Variants in CYFIP2 observed in about 807,000 individuals in gnomAD.
CYFIP2 encodes cytoplasmic FMR1-interacting protein 2.
A neutral mutation model predicts 158.7 loss-of-function variants in CYFIP2; 29 were observed. The ratio of observed to expected loss-of-function variants is 0.18; its 90% CI spans 0.14 to 0.25. The LOEUF (loss-of-function observed/expected upper bound fraction) is 0.25, where lower values mean the gene tolerates loss of function less well. CYFIP2 is among the 10% of genes least tolerant of loss of function. CYFIP2 has a pLI of 1.00. For missense variants in CYFIP2, 852 were observed against 1,639.5 expected, an observed-to-expected ratio of 0.52 and a Z score of 8.29; for synonymous variants, 585 against 617.6, an observed-to-expected ratio of 0.95 and a Z score of 0.78.
At chr5:157,383,438 A>G in intron 28 of CYFIP2, 79 bp downstream of exon 28, 2 of 1,319,516 alleles carry the variant, frequency 1.5e-6, no homozygotes, top group East Asian at 4.9e-5. Context: ...CTCATTGTAC[A>G]GGTCAGGAAA....
At chr5:157,305,216 T>C (rs779809995) in intron 8 of CYFIP2, among the ~76,000 whole-genome samples, 1 of 152,220 alleles carries the variant, frequency 6.6e-6, no homozygotes, top group Non-Finnish European at 1.5e-5. Flanking sequence ...TATAAACATG[T>C]GTGCAAGTGT....
At chr5:157,369,832 C>T (rs1764799542) in intron 26 of CYFIP2, among the ~76,000 whole-genome samples, 2 of 151,342 alleles carry the variant, frequency 1.3e-5, no homozygotes, top group African/African-American at 4.9e-5. Flanking sequence ...AAATTCTGAT[C>T]TCTGAGGCCT....
intron 1 of CYFIP2, chr5:157,269,203 A>G (rs1755872983): frequency 6.6e-6 from 1 of 152,010 alleles, no homozygotes; most frequent in Non-Finnish European, 1.5e-5. Context: ...GTTAAGAGTG[A>G]TAGGGCATGA....
intron 15 of CYFIP2, chr5:157,322,981 G>A: frequency 6.5e-7 from 1 of 1,535,940 alleles, no homozygotes; most frequent in Non-Finnish European, 8.7e-7. Flanking sequence ...TCACCCCACT[G>A]GTGGCACACA....
At chr5:157,268,699 T>C (rs1755827811) in intron 1 of CYFIP2, among the ~76,000 whole-genome samples, 1 of 152,230 alleles carries the variant, frequency 6.6e-6, no homozygotes, top group Admixed American at 6.5e-5. Context: ...ACAATGAGTC[T>C]ATTTCTTTAC....
In CYFIP2 at chr5:157,306,289, C is replaced by G. The variant is rs761491582; in HGVS notation, c.796-1472C>G. Among the ~76,000 whole-genome samples the G allele has an allele frequency of 7.9e-5, 12 of 152,290 alleles. No homozygotes were observed. In the East Asian group the frequency reaches 1.3e-3, roughly 17 times the overall value. ...TGGCTTCGTCCCAACATCAGAAATC[C>G]GGAGAAGCCACTCACAGTTCACATA... On this transcript the variant is annotated intron_variant, in intron 8 of 30. Coordinates refer to ENST00000620254, the MANE Select transcript of CYFIP2 (RefSeq NM_001037333.3).
Position 157,382,387 on chromosome 5 carries a change from A to G in CYFIP2, c.3040-203A>G, listed in dbSNP as rs532103120. Reference sequence around the variant, plus strand: ...CGTTTGATCCTCACAACCCATTAAAATAGGTACTGTTCTCATCCTTATTTT... The same window carrying G: ...CGTTTGATCCTCACAACCCATTAAAGTAGGTACTGTTCTCATCCTTATTTT... On this transcript the variant is annotated intron_variant, in intron 26 of 30. Transcript: ENST00000620254. Among the ~76,000 whole-genome samples the G allele has an allele frequency of 7.1e-4, 108 of 152,352 alleles. 1 individual carries two copies. The highest frequency in any genetic ancestry group is 2.4e-3 in the African/African-American group (101 of 41,580).
chr5:157,328,991 C>T (rs1761240586), intron 19 of CYFIP2, among the ~76,000 whole-genome samples: 1 of 152,200 alleles, frequency 6.6e-6, no homozygotes, highest in South Asian at 2.1e-4. Flanking sequence ...GAAATCCAAA[C>T]ATACCAACCA....
chr5:157,360,475 A>G, intron 25 of CYFIP2, 103 bp downstream of exon 25: 1 of 920,500 alleles, frequency 1.1e-6, no homozygotes, highest in Non-Finnish European at 1.7e-6. Context: ...GTGAGCTGGC[A>G]GAGTACTGGC....
rs187977521 is a variant in CYFIP2 at position 157,324,550 on chromosome 5, A to G, written c.1825+476A>G. Among the ~76,000 whole-genome samples the G allele has an allele frequency of 1.9e-3, 294 of 152,322 alleles. 1 individual carries two copies. The highest frequency in any genetic ancestry group is 7.0e-3 in the African/African-American group (290 of 41,568). ...GTATCTCAGGAACATGAGTCTTCAT[A>G]TGTCTGCTGGCATTGACAAGAGTGA... On this transcript the variant is annotated intron_variant, in intron 16 of 30. Transcript: ENST00000620254.
chr5:157,337,000 T>G (rs1322990371), intron 21 of CYFIP2, among the ~76,000 whole-genome samples: 1 of 152,254 alleles, frequency 6.6e-6, no homozygotes, highest in Non-Finnish European at 1.5e-5. Context: ...GTTGTGAGAC[T>G]GCTGAAGTCA....
intron 13 of CYFIP2, among the ~76,000 whole-genome samples, chr5:157,316,822 GC>G (rs1184721695): frequency 6.6e-6 from 1 of 152,012 alleles, no homozygotes; most frequent in East Asian, 1.9e-4. Context: ...AACTTAAAGG[GC>G]CATACAAATG....
At chr5:157,384,535 G>A (rs1480844720) in intron 28 of CYFIP2, 1 of 455,320 alleles carries the variant, frequency 2.2e-6, no homozygotes, top group East Asian at 7.0e-5. Context: ...AACATGGTAA[G>A]TATTTTTGGA....
intron 1 of CYFIP2, among the ~76,000 whole-genome samples, chr5:157,270,652 A>G (rs1400688919): frequency 1.3e-5 from 2 of 152,218 alleles, no homozygotes; most frequent in African/African-American, 2.4e-5. Context: ...ATACTTCCAT[A>G]TGGGAAAGAG....
chr5:157,340,136 G>GA (rs1178086344), intron 22 of CYFIP2, among the ~76,000 whole-genome samples: 1 of 152,248 alleles, frequency 6.6e-6, no homozygotes, highest in Non-Finnish European at 1.5e-5. Flanking sequence ...CTGAGGTAGA[G>GA]ACAAGACCTA....
intron 24 of CYFIP2, 86 bp downstream of exon 24, chr5:157,359,234 T>TA: frequency 2.0e-6 from 3 of 1,511,322 alleles, no homozygotes; most frequent in Non-Finnish European, 1.8e-6. Context: ...ACCTGGCCTG[T>TA]AAAAACAAAT....
intron 10 of CYFIP2, among the ~76,000 whole-genome samples, chr5:157,310,459 T>A (rs569121855): frequency 2.6e-4 from 40 of 151,688 alleles, no homozygotes; most frequent in African/African-American, 9.0e-4. Flanking sequence ...CAAGGGCGAG[T>A]GTGTTGGCAT....
chr5:157,333,505 G>A (rs201249463), intron 21 of CYFIP2, 59 bp downstream of exon 21: 88 of 1,612,058 alleles, frequency 5.5e-5, no homozygotes, highest in Admixed American at 1.2e-4. Context: ...TAGAAGCCTA[G>A]ATGGGGACTG....
chr5:157,347,009 C>A (rs1762746135), intron 23 of CYFIP2, among the ~76,000 whole-genome samples: 2 of 152,146 alleles, frequency 1.3e-5, no homozygotes, highest in Admixed American at 6.5e-5. Context: ...CAGGGTGTGT[C>A]TGGAATAGAG....
Sources: gnomAD v4.1 joint callset for allele counts (sites outside exome capture counted in the v4.1 genomes callset) on GRCh38, gnomAD v4.1.1 for gene constraint, MANE v1.5 for transcripts, NCBI Gene and HGNC (gene_info 2026-07-23, HGNC 2026-07-21) for gene names.